The following RNF38 variants were observed in gnomAD, a reference collection of about 807,000 sequenced individuals.
RNF38 encodes the protein ring finger protein 38.
RNF38 carries 15 observed loss-of-function variants against 67.2 expected under a neutral mutation model. The ratio of observed to expected loss-of-function variants is 0.22; its 90% CI spans 0.15 to 0.34. The LOEUF (loss-of-function observed/expected upper bound fraction) is 0.34. Ranked by LOEUF, RNF38 falls within the 10% of genes least tolerant of loss-of-function variation. The probability of loss-of-function intolerance (pLI) is 1.00; values close to 1 mark genes in which losing one functional copy is unlikely to be tolerated. For synonymous variants in RNF38, 220 were observed against 218.8 expected (o/e 1.01, Z -0.05); for missense variants, 524 against 639.9 (o/e 0.82, Z 1.95).
chr9:36,478,321 G>A (rs531374825), intron 1 of RNF38, among the ~76,000 whole-genome samples: 2 of 145,160 alleles, frequency 1.4e-5, no homozygotes, highest in East Asian at 2.2e-4. Flanking sequence ...GGAGAATGGC[G>A]TGAACCTGGG....
chr9:36,369,409 C>T (rs1329064478), intron 4 of RNF38, among the ~76,000 whole-genome samples: 9 of 152,002 alleles, frequency 5.9e-5, no homozygotes, highest in Admixed American at 3.9e-4. Flanking sequence ...TTAGTAGAGA[C>T]GGGGTTTCAC....
chr9:36,457,647 T>A (rs138019176), intron 1 of RNF38, among the ~76,000 whole-genome samples: 3,196 of 152,214 alleles, frequency 0.021, 61 homozygotes, highest in Non-Finnish European at 0.031. Flanking sequence ...GTGGCTCACG[T>A]CTGTAATCCC....
chr9:36,354,698 T>C (rs781157344), intron 6 of RNF38, among the ~76,000 whole-genome samples: 9 of 152,262 alleles, frequency 5.9e-5, no homozygotes, highest in Admixed American at 2.0e-4. Context: ...TGTCCACTCT[T>C]TGACTATTAG....
intron 3 of RNF38, 84 bp downstream of exon 3, chr9:36,375,850 C>G: frequency 1.5e-6 from 2 of 1,311,924 alleles, no homozygotes; most frequent in Non-Finnish European, 2.1e-6. Context: ...GAAATGCCTA[C>G]AGAAAAAATG....
chr9:36,481,772 C>T (rs1286402389), intron 1 of RNF38, among the ~76,000 whole-genome samples: 4 of 152,082 alleles, frequency 2.6e-5, no homozygotes, highest in Non-Finnish European at 4.4e-5. Context: ...GTAGGAAGTC[C>T]GGTCTTGTCC....
At chr9:36,357,213 T>C (rs1020689720) in intron 5 of RNF38, among the ~76,000 whole-genome samples, 1 of 152,164 alleles carries the variant, frequency 6.6e-6, no homozygotes, top group African/African-American at 2.4e-5. Context: ...AAAAAGTTAG[T>C]GTGAATCTCT....
intron 1 of RNF38, among the ~76,000 whole-genome samples, chr9:36,399,301 T>C (rs1737794343): frequency 6.6e-6 from 1 of 152,030 alleles, no homozygotes. Flanking sequence ...TTTTTTATAT[T>C]TTACAGATGA....
intron 9 of RNF38, among the ~76,000 whole-genome samples, chr9:36,348,610 A>G (rs1419050991): frequency 1.3e-5 from 2 of 152,270 alleles, no homozygotes; most frequent in Non-Finnish European, 2.9e-5. Flanking sequence ...CAGCCACAAC[A>G]TTCTCTTTAG....
At chr9:36,477,893 TGAG>T (rs1320022903) in intron 1 of RNF38, among the ~76,000 whole-genome samples, 2 of 151,540 alleles carry the variant, frequency 1.3e-5, no homozygotes, top group African/African-American at 2.4e-5. Flanking sequence ...CTCAGGAGGC[TGAG>T]GTGGAAGGAC....
chr9:36,425,464 C>T lies in RNF38; in HGVS notation n.242-781G>A, dbSNP rs553175294. 4.6e-5 allele frequency among the ~76,000 whole-genome samples: 7 copies of T among 152,224 alleles called. No homozygotes were observed. The East Asian group carries it at 7.7e-4, about 17-fold the overall frequency. The stretch of plus-strand genomic sequence containing the variant: ...ATCCCAGCACTTTGGGAGGCCAGGG[C>T]GGGTGGATCACCCGAGGTTAGGAAT... On this transcript the variant is annotated intron_variant and non_coding_transcript_variant, in intron 1 of 3. Coordinates refer to the RNF38 transcript ENST00000488058.
At chr9:36,477,186 T>A (rs952026609) in intron 1 of RNF38, among the ~76,000 whole-genome samples, 2 of 150,940 alleles carry the variant, frequency 1.3e-5, no homozygotes, top group African/African-American at 4.9e-5. Flanking sequence ...TAGCCGGGCG[T>A]GGTGGTGGGC....
intron 4 of RNF38, among the ~76,000 whole-genome samples, chr9:36,368,542 G>T (rs1429140282): frequency 3.3e-5 from 5 of 152,040 alleles, no homozygotes; most frequent in African/African-American, 1.2e-4. Context: ...TGCTTTTCTT[G>T]CTCAAGGGGA....
At chr9:36,465,450 G>A (rs1320858101) in intron 1 of RNF38, among the ~76,000 whole-genome samples, 5 of 152,062 alleles carry the variant, frequency 3.3e-5, no homozygotes, top group East Asian at 1.9e-4. Context: ...AGGTTCAAGC[G>A]ATTCTCCTGC....
At chr9:36,375,791 C>T in intron 3 of RNF38, 143 bp downstream of exon 3, 1 of 702,564 alleles carries the variant, frequency 1.4e-6, no homozygotes, top group South Asian at 2.2e-5. Flanking sequence ...ATCTAGGCAA[C>T]TTTCTTTTTC....
intron 2 of RNF38, among the ~76,000 whole-genome samples, chr9:36,383,328 A>G (rs1836345820): frequency 6.6e-6 from 1 of 152,170 alleles, no homozygotes; most frequent in South Asian, 2.1e-4. Flanking sequence ...CAGTCTACCA[A>G]GTAGCTGGGA....
chr9:36,342,500 ATAATT>A (rs1399180876), intron 10 of RNF38, 76 bp from the exon 11 acceptor site: 3 of 895,904 alleles, frequency 3.3e-6, no homozygotes, highest in Non-Finnish European at 5.5e-6. Context: ...AACCTACAAG[ATAATT>A]TATTCTGTTA....
At chr9:36,405,076 C>G (rs902426525), upstream of RNF38, among the ~76,000 whole-genome samples, 2 of 151,992 alleles carry the variant, frequency 1.3e-5, no homozygotes, top group African/African-American at 4.8e-5. Context: ...ACCAGCCTGG[C>G]CAACATGGTG....
chr9:36,387,963 G>A (rs964949229), intron 2 of RNF38, among the ~76,000 whole-genome samples: 3 of 151,930 alleles, frequency 2.0e-5, no homozygotes, highest in Non-Finnish European at 4.4e-5. Flanking sequence ...TCATATAATA[G>A]AAAACTAAAA....
At chr9:36,346,981 A>G (rs1833287326) in intron 9 of RNF38, among the ~76,000 whole-genome samples, 1 of 151,890 alleles carries the variant, frequency 6.6e-6, no homozygotes, top group Non-Finnish European at 1.5e-5. Context: ...TTAGACAGGC[A>G]TGGTGGCGTG....
Sources: allele counts gnomAD v4.1 joint callset (sites outside exome capture counted in the v4.1 genomes callset), GRCh38; gene constraint gnomAD v4.1.1; transcripts MANE v1.5; gene names NCBI Gene and HGNC (gene_info 2026-07-23, HGNC 2026-07-21).